PTPRN2: variants seen among roughly 807,000 people sequenced by gnomAD.
PTPRN2 encodes the protein protein tyrosine phosphatase receptor type N2.
Under a neutral mutation model 118.8 loss-of-function variants are expected in PTPRN2, and 74 were observed. The observed-to-expected ratio is 0.62, with a 90% CI of 0.52 to 0.76. The LOEUF (loss-of-function observed/expected upper bound fraction) is 0.76. PTPRN2 is among the 30% of genes least tolerant of loss of function. The pLI, the probability that PTPRN2 is intolerant of heterozygous loss-of-function variation, is 0.00. For synonymous variants in PTPRN2, 641 were observed against 608.0 expected, an observed-to-expected ratio of 1.05 and a Z score of -0.80; for missense variants, 1,481 against 1,394.4, an observed-to-expected ratio of 1.06 and a Z score of -0.99.
At chr7:157,786,237 G>A (rs1804029358) in intron 12 of PTPRN2, among the ~76,000 whole-genome samples, 1 of 152,204 alleles carries the variant, frequency 6.6e-6, no homozygotes, top group South Asian at 2.1e-4. Context: ...GGCCCCACAG[G>A]TACCGTTCAC....
chr7:158,358,204 G>A (rs1359274719), intron 2 of PTPRN2, among the ~76,000 whole-genome samples: 1 of 152,182 alleles, frequency 6.6e-6, no homozygotes, highest in East Asian at 1.9e-4. Flanking sequence ...AGGGAGACCT[G>A]AGACGCCCTA....
At position 157,830,410 on chromosome 7, in the gene PTPRN2, G is replaced by A. The variant is rs147835885; in HGVS notation, c.1788+68263C>T. Among the ~76,000 whole-genome samples the A allele has an allele frequency of 5.3e-5, 8 of 152,342 alleles. No individual in the cohort carries two copies. The East Asian group carries it at 1.5e-3, about 29-fold the overall frequency. On this transcript the variant is annotated intron_variant, in intron 12 of 22. Transcript: ENST00000389418. ...TTTACAATGGAGTGATGTGGCAGGT[G>A]CCTCTTTTACCAAAGCGACTGCACT...
rs1350662489 is a variant in PTPRN2, at chr7:158,081,387, A to T, written c.1644-10T>A. 1.2e-6 allele frequency: 2 copies of T among 1,612,566 alleles called. No individual in the cohort carries two copies. Among genetic ancestry groups the T allele is most frequent in the Non-Finnish European group, 1.7e-6 (2 of 1,178,578 alleles). ...TGCTGGTCCGAGAACCCTGGAAGGG[A>T]TAATTTAAAATAAGTTCATAACGAA... On this transcript the variant is annotated splice_polypyrimidine_tract_variant and intron_variant, in intron 10 of 22. Coordinates refer to ENST00000389418, the MANE Select transcript of PTPRN2 (RefSeq NM_002847.5).
intron 11 of PTPRN2, among the ~76,000 whole-genome samples, chr7:157,984,078 T>C (rs935139307): frequency 6.6e-6 from 1 of 152,042 alleles, no homozygotes; most frequent in Non-Finnish European, 1.5e-5. Context: ...AGAAGGAAAA[T>C]GGCATTTCAT....
At chr7:158,396,474 A>AT (rs1034845863) in intron 2 of PTPRN2, among the ~76,000 whole-genome samples, 2 of 151,016 alleles carry the variant, frequency 1.3e-5, no homozygotes, top group African/African-American at 2.4e-5. Flanking sequence ...CATGCATGTG[A>AT]TTTTGTTCAC....
intron 10 of PTPRN2, among the ~76,000 whole-genome samples, chr7:158,102,612 A>C (rs1211179675): frequency 6.6e-6 from 1 of 152,208 alleles, no homozygotes; most frequent in Non-Finnish European, 1.5e-5. Flanking sequence ...ATCACAGAGC[A>C]TGCCCCATGT....
rs1827928930 is a variant in PTPRN2 at position 158,570,197 on chromosome 7, GC to G, written c.112+17360del. 6.6e-6 allele frequency among the ~76,000 whole-genome samples: 1 copy of G among 152,166 alleles called. No homozygotes were observed. The highest frequency in any genetic ancestry group is 1.5e-5 in the Non-Finnish European group (1 of 68,016). ...GCCAGGCGGGGAGCGCGCAGCCACA[GC>G]CCGCGTTTCCGGGCTCCGTGTCCTT... On this transcript the variant is annotated intron_variant, in intron 1 of 22. Coordinates refer to ENST00000389418, the MANE Select transcript of PTPRN2 (RefSeq NM_002847.5). This position sits in a 1 kb window ranked among gnomAD's most constrained non-coding sequence, Gnocchi z 4.5.
chr7:158,538,813 C>A (rs1825800784), intron 1 of PTPRN2, among the ~76,000 whole-genome samples: 2 of 152,208 alleles, frequency 1.3e-5, no homozygotes, highest in South Asian at 4.1e-4. Flanking sequence ...TTCTCGCAGC[C>A]TCGTAACCCC....
rs184646591 is a variant in PTPRN2 at position 158,142,480 on chromosome 7, G to A, written c.911-3965C>T. 5.9e-3 allele frequency among the ~76,000 whole-genome samples: 904 copies of A among 152,298 alleles called. 6 individuals carry two copies. Among genetic ancestry groups the A allele is most frequent in the South Asian group, 0.033 (157 of 4,830 alleles). ...AACAGCAGCTGTACCCAGATCTCTCGGGCTTGCCGTCCTAAATCATAATGA... is the reference window on the plus strand; with the variant it reads ...AACAGCAGCTGTACCCAGATCTCTCAGGCTTGCCGTCCTAAATCATAATGA... On this transcript the variant is annotated intron_variant, in intron 6 of 22. Coordinates refer to ENST00000389418, the MANE Select transcript of PTPRN2 (RefSeq NM_002847.5).
intron 12 of PTPRN2, among the ~76,000 whole-genome samples, chr7:157,748,241 G>GCT (rs1460352817): frequency 6.0e-5 from 9 of 149,760 alleles, no homozygotes; most frequent in Admixed American, 1.3e-4. Context: ...GCGTCCCTGA[G>GCT]GTAGGAGCTG....
rs759421346 is a variant in PTPRN2, at chr7:157,779,904, C to T, written c.1789-96967G>A. ...CCACTGATACCATCGACGTACAACA[C>T]GCCGCAAGCAGCCCTCGAGGAATGG... On this transcript the variant is annotated intron_variant, in intron 12 of 22. Coordinates refer to ENST00000389418, the MANE Select transcript of PTPRN2 (RefSeq NM_002847.5). The surrounding 1 kb of genome is among the most constrained non-coding windows in gnomAD (Gnocchi z 4.7). Among the ~76,000 whole-genome samples, 10 of 152,156 alleles carry T rather than the reference C, an allele frequency of 6.6e-5. No homozygotes were observed. The highest frequency in any genetic ancestry group is 9.7e-5 in the African/African-American group (4 of 41,434).
rs544013442 is a variant in PTPRN2 at position 157,762,739 on chromosome 7, T to C, written c.1789-79802A>G. On this transcript the variant is annotated intron_variant, in intron 12 of 22. Coordinates refer to ENST00000389418, the MANE Select transcript of PTPRN2 (RefSeq NM_002847.5). ...TGCACATGTACCCTAAAACTTAAAG[T>C]ATAATAATAAAAAAAAAAGAGAAAA... Among the ~76,000 whole-genome samples the C allele has an allele frequency of 3.3e-5, 5 of 150,790 alleles. No homozygotes were observed. The South Asian group carries it at 8.4e-4, about 25-fold the overall frequency.
intron 1 of PTPRN2, among the ~76,000 whole-genome samples, chr7:158,498,453 G>A (rs188829109): frequency 2.4e-4 from 36 of 151,604 alleles, no homozygotes; most frequent in African/African-American, 4.4e-4. Flanking sequence ...TTTGGGAACC[G>A]CGCTCTCCAT....
intron 3 of PTPRN2, among the ~76,000 whole-genome samples, chr7:158,208,965 TGTTAA>T (rs1827373308): frequency 6.6e-6 from 1 of 152,190 alleles, no homozygotes; most frequent in African/African-American, 2.4e-5. Flanking sequence ...ATGTAATCAA[TGTTAA>T]GTTGTCATCC....
intron 12 of PTPRN2, among the ~76,000 whole-genome samples, chr7:157,703,621 CA>C (rs58467792): frequency 0.26 from 39,995 of 152,154 alleles, 5,805 homozygotes; most frequent in African/African-American, 0.31. Flanking sequence ...GGGTCTTCCA[CA>C]AAAGAACTTC....
intron 3 of PTPRN2, among the ~76,000 whole-genome samples, chr7:158,310,607 G>A (rs1001784933): frequency 6.6e-6 from 1 of 152,246 alleles, no homozygotes; most frequent in African/African-American, 2.4e-5. Context: ...TGCTCGGGAG[G>A]TTCCTCCATT....
intron 11 of PTPRN2, among the ~76,000 whole-genome samples, chr7:157,912,408 G>A (rs1455265743): frequency 6.6e-6 from 1 of 152,076 alleles, no homozygotes. Flanking sequence ...CAAACATTCT[G>A]GATACCAAAA....
In PTPRN2 at chr7:157,780,514, C is replaced by T. The variant is rs1803611417; in HGVS notation, c.1789-97577G>A. Among the ~76,000 whole-genome samples the T allele has an allele frequency of 6.6e-6, 1 of 152,158 alleles. No individual in the cohort carries two copies. The highest frequency in any genetic ancestry group is 1.5e-5 in the Non-Finnish European group (1 of 68,028). The stretch of plus-strand genomic sequence containing the variant: ...TCGCTTGTCCCCACAGGCAGCTCGA[C>T]ATGGTGCAGACCGTGGCAGCCAAGT... On this transcript the variant is annotated intron_variant, in intron 12 of 22. Coordinates refer to ENST00000389418, the MANE Select transcript of PTPRN2 (RefSeq NM_002847.5). The surrounding 1 kb of genome is among the most constrained non-coding windows in gnomAD (Gnocchi z 4.5).
chr7:157,628,727 CGG>C (rs764712833), intron 14 of PTPRN2, among the ~76,000 whole-genome samples: 28 of 152,182 alleles, frequency 1.8e-4, no homozygotes, highest in Admixed American at 3.3e-4. Context: ...GGTGTGTGCC[CGG>C]GGATGGGGTG....
Sources: allele counts gnomAD v4.1 joint callset (sites outside exome capture counted in the v4.1 genomes callset), GRCh38; gene constraint gnomAD v4.1.1; non-coding constraint Gnocchi (gnomAD v3.1); transcripts MANE v1.5; gene names NCBI Gene and HGNC (gene_info 2026-07-23, HGNC 2026-07-21).